CDKL1: variants seen among roughly 807,000 people sequenced by gnomAD.
CDKL1 encodes cyclin dependent kinase like 1.
A neutral mutation model predicts 42.0 loss-of-function variants in CDKL1; 41 were observed. That is an observed-to-expected ratio of 0.98 (90% CI 0.76 to 1.27). The LOEUF (loss-of-function observed/expected upper bound fraction) is 1.27, where lower values mean the gene tolerates loss of function less well. Among genes scored for constraint, CDKL1 ranks in the 50% most tolerant of loss-of-function variants. The pLI is 0.00. For missense variants in CDKL1, 394 were observed against 428.4 expected, an observed-to-expected ratio of 0.92 and a Z score of 0.71; for synonymous variants, 153 against 158.6, an observed-to-expected ratio of 0.96 and a Z score of 0.26.
chr14:50,354,411 T>C (rs896100004), intron 3 of CDKL1, among the ~76,000 whole-genome samples: 1 of 152,200 alleles, frequency 6.6e-6, no homozygotes, highest in African/African-American at 2.4e-5. Flanking sequence ...GAACAAACTA[T>C]GTTATTCAGA....
chr14:50,330,505 G>A (rs1039866961), intron 9 of CDKL1: 8 of 260,774 alleles, frequency 3.1e-5, no homozygotes, highest in African/African-American at 1.2e-4. Context: ...GATCATTTAA[G>A]CCAATGCCTT....
chr14:50,389,642 T>G (rs1305201833), intron 2 of CDKL1, among the ~76,000 whole-genome samples: 1 of 152,038 alleles, frequency 6.6e-6, no homozygotes, highest in East Asian at 1.9e-4. Context: ...CTACAAAGGT[T>G]TGTACAAAGG....
chr14:50,334,319 ATT>A (rs372894074), intron 8 of CDKL1: 5,976 of 337,476 alleles, frequency 0.018, 329 homozygotes, highest in African/African-American at 0.12. Context: ...ACCACGCCTA[ATT>A]TTTTTTATTT....
chr14:50,374,856 G>C (rs2034686184), intron 2 of CDKL1, among the ~76,000 whole-genome samples: 1 of 151,992 alleles, frequency 6.6e-6, no homozygotes, highest in Non-Finnish European at 1.5e-5. Context: ...AAGGAACCAG[G>C]GATCCATGGA....
chr14:50,339,037 CAAGAA>C lies in CDKL1; in HGVS notation c.656-13_656-9del, dbSNP rs2033411867. 1.9e-6 allele frequency: 3 copies of C among 1,589,400 alleles called. No homozygotes were observed. The highest frequency in any genetic ancestry group is 1.7e-6 in the Non-Finnish European group (2 of 1,157,546). ...GCCTAGGAATGAGATCCCCTTTGGA[CAAGAA>C]AAGAAAAAGGTAAGTGAAATTGGTT... On this transcript the variant is annotated splice_polypyrimidine_tract_variant and intron_variant, in intron 6 of 9. Coordinates refer to ENST00000395834, the MANE Select transcript of CDKL1 (RefSeq NM_004196.7).
Position 50,383,562 on chromosome 14 carries a change from A to C in CDKL1, c.168+12139T>G, listed in dbSNP as rs113827852. On this transcript the variant is annotated intron_variant, in intron 2 of 9. Coordinates refer to ENST00000395834, the MANE Select transcript of CDKL1 (RefSeq NM_004196.7). ...AGTGAGACTGTCTCAAAAAAAAAAA[A>C]AAACAAACAACAACAACAACAACAA... Among the ~76,000 whole-genome samples the C allele has an allele frequency of 7.6e-3, 263 of 34,798 alleles. 1 individual carries two copies. Among genetic ancestry groups the C allele is most frequent in the African/African-American group, 0.029 (206 of 7,090 alleles). The allele number at this position is 34,798 out of a possible 152,430, so 22.8% of individuals were successfully genotyped here.
At chr14:50,392,647 G>A (rs567112983) in intron 2 of CDKL1, among the ~76,000 whole-genome samples, 6 of 151,636 alleles carry the variant, frequency 4.0e-5, no homozygotes, top group Non-Finnish European at 5.9e-5. Flanking sequence ...GACCTCCTCC[G>A]GTCCCACAGC....
intron 2 of CDKL1, among the ~76,000 whole-genome samples, chr14:50,364,680 G>A (rs1476705010): frequency 6.6e-6 from 1 of 152,176 alleles, no homozygotes; most frequent in Non-Finnish European, 1.5e-5. Context: ...AGAGTAAGAA[G>A]CGCAAGGGCT....
At chr14:50,358,093 C>T in intron 3 of CDKL1, 3 of 1,360,188 alleles carry the variant, frequency 2.2e-6, no homozygotes, top group Non-Finnish European at 2.0e-6. Flanking sequence ...TGGACAAGGC[C>T]TCTGTGTGCT....
intron 6 of CDKL1, among the ~76,000 whole-genome samples, chr14:50,339,330 T>G (rs1367012540): frequency 6.6e-6 from 1 of 151,760 alleles, no homozygotes; most frequent in Non-Finnish European, 1.5e-5. Flanking sequence ...ACCAAACAAC[T>G]CAGAAGCACA....
chr14:50,338,226 T>C (rs1026347360), intron 7 of CDKL1, among the ~76,000 whole-genome samples: 3 of 152,090 alleles, frequency 2.0e-5, no homozygotes, highest in Non-Finnish European at 4.4e-5. Flanking sequence ...TTTTTATTTA[T>C]TTATTTATTT....
At chr14:50,363,180 C>T (rs2034331270) in intron 2 of CDKL1, 1 of 224,696 alleles carries the variant, frequency 4.5e-6, no homozygotes, top group Admixed American at 4.6e-5. Flanking sequence ...TCAGAAGGAA[C>T]AAACTCCGGA....
chr14:50,327,834 C>CGTTGTGTTTAACAAT lies in CDKL1; in HGVS notation c.*2225_*2239dup, dbSNP rs894481777. On this transcript the variant is annotated 3_prime_UTR_variant, in exon 10 of 10. Coordinates refer to ENST00000395834, the MANE Select transcript of CDKL1 (RefSeq NM_004196.7). Reference sequence around the variant, plus strand: ...GCTTTCAGGTAGAAAAATGAATTTTCGTTGTGTTTAACAATGTTGTGTTTA... The same window carrying CGTTGTGTTTAACAAT: ...GCTTTCAGGTAGAAAAATGAATTTTCGTTGTGTTTAACAATGTTGTGTTTAACAATGTTGTGTTTA... 1.3e-5 allele frequency: 2 copies of CGTTGTGTTTAACAAT among 152,078 alleles called. No homozygotes were observed. The highest frequency in any genetic ancestry group is 4.8e-5 in the African/African-American group (2 of 41,390). The allele number at this position is 152,078 out of a possible 1,614,324, so 9.4% of individuals were successfully genotyped here. A position where few individuals can be genotyped will look rare whatever the true frequency, so the allele number is the denominator to read the frequency against.
At chr14:50,397,298 T>C (rs1199047065), upstream of CDKL1, 25 of 1,364,340 alleles carry the variant, frequency 1.8e-5, no homozygotes, top group Non-Finnish European at 2.4e-5. Context: ...CGTCAGTGAA[T>C]GAATGAGAGG....
intron 2 of CDKL1, among the ~76,000 whole-genome samples, chr14:50,366,225 A>G (rs547726545): frequency 2.6e-5 from 4 of 152,250 alleles, no homozygotes; most frequent in Non-Finnish European, 4.4e-5. Context: ...AAAATAATCT[A>G]TGAAATTAGG....
chr14:50,396,765 G>C (rs945352357), intron 1 of CDKL1, 59 bp downstream of exon 1: 1 of 158,700 alleles, frequency 6.3e-6, no homozygotes, highest in Non-Finnish European at 1.4e-5. Flanking sequence ...GCGCAGCATG[G>C]AGCGGTGCCA....
intron 3 of CDKL1, among the ~76,000 whole-genome samples, chr14:50,355,383 C>T (rs8023026): frequency 0.7 from 106,498 of 152,154 alleles, 37,948 homozygotes; most frequent in African/African-American, 0.84. Context: ...ATTCCACACA[C>T]TGATTGCCAA....
chr14:50,362,165 T>TA, intron 2 of CDKL1: 2 of 216,072 alleles, frequency 9.3e-6, no homozygotes, highest in Non-Finnish European at 9.1e-6. Context: ...GAGCCTCCCC[T>TA]CCCCACCCCC....
chr14:50,378,577 A>G, intron 2 of CDKL1: 1 of 614,498 alleles, frequency 1.6e-6, no homozygotes, highest in East Asian at 6.8e-5. Context: ...TCTGTCATCC[A>G]GGCTGGAGTG....
Sources: gnomAD v4.1 joint callset for allele counts (sites outside exome capture counted in the v4.1 genomes callset) on GRCh38, gnomAD v4.1.1 for gene constraint, MANE v1.5 for transcripts, NCBI Gene and HGNC (gene_info 2026-07-23, HGNC 2026-07-21) for gene names.